Variants in APOB observed in about 807,000 individuals in gnomAD.
APOB encodes the protein apolipoprotein B, also known as apolipoprotein B-100.
A neutral mutation model predicts 314.1 loss-of-function variants in APOB; 153 were observed. That is an observed-to-expected ratio of 0.49 (90% CI 0.43 to 0.56). The LOEUF (loss-of-function observed/expected upper bound fraction) is 0.56. Among genes scored for constraint, APOB ranks in the 20% least tolerant of loss-of-function variants. The pLI is 0.00. For synonymous variants in APOB, 2,087 were observed against 2,036.4 expected (o/e 1.02, Z -0.67); for missense variants, 5,430 against 5,350.7 (o/e 1.01, Z -0.46).
Position 21,010,573 on chromosome 2 carries a change from G to T in APOB, c.6295C>A (p.Leu2099Met), listed in dbSNP as rs372799407. Residue 2099 changes from leucine to methionine, a missense_variant, in exon 26 of 29, where the codon CTG becomes ATG. By Grantham distance (15) the Leu-to-Met change is conservative. Transcript: ENST00000233242. ...IVVLENVQRN[L>M]KHINIDQFVR... ...AATTGATCAATATTGATGTGCTTCA[G>T]GTTTCTCTGTACGTTTTCCAGTACA... 6.2e-7 allele frequency: 1 copy of T among 1,613,544 alleles called. No homozygotes were observed. Among genetic ancestry groups the T allele is most frequent in the African/African-American group, 1.3e-5 (1 of 74,870 alleles).
chr2:21,005,133 A>T lies in APOB; in HGVS notation c.11735T>A (p.Val3912Asp). 6.2e-7 allele frequency: 1 copy of T among 1,614,038 alleles called. No individual in the cohort carries two copies. The highest frequency in any genetic ancestry group is 1.3e-5 in the African/African-American group (1 of 75,040). ...GGTTGAGCTGCATGTGGAATCCAGG[A>T]CTGTTTCAACATAATCTGCTTTGTT... Reference protein sequence around the residue: ...LKNKADYVETVLDSTCSSTVQ... With the variant: ...LKNKADYVETDLDSTCSSTVQ... The change falls in exon 26 of 29, where the codon GTC (valine) becomes GAC (aspartate). Residue 3912 changes from valine to aspartate, a missense_variant. Physicochemically the swap from Val to Asp is radical, Grantham distance 152. Transcript: ENST00000233242.
At chr2:21,037,659 C>G (rs935568153) in intron 5 of APOB, among the ~76,000 whole-genome samples, 1 of 147,970 alleles carries the variant, frequency 6.8e-6, no homozygotes, top group African/African-American at 2.5e-5. Context: ...TTACTGTGTA[C>G]ACCATAACCC....
intron 12 of APOB, 25 bp downstream of exon 12, chr2:21,029,614 T>G: frequency 6.2e-7 from 1 of 1,613,840 alleles, no homozygotes; most frequent in East Asian, 2.2e-5. Context: ...ACTTTCACTT[T>G]CAGACCTCTT....
chr2:21,006,474 T>G lies in APOB; in HGVS notation c.10394A>C (p.Asn3465Thr). ...AGCGGTAGAGTACAGCATTGAAGAA[T>G]TGAAATCATACTTAAATTCCATGGA... The part of the protein sequence containing the change: ...SSSMEFKYDF[N>T]SSMLYSTAKG... The change falls in exon 26 of 29, where the codon AAT becomes ACT. Residue 3465 changes from asparagine to threonine, a missense_variant. This residue lies in a region of APOB where 3,281 missense variants were observed against 3,171.0 expected (regional missense o/e 1.03). Transcript: ENST00000233242. 1 of 1,614,130 alleles carries G rather than the reference T, an allele frequency of 6.2e-7. No individual in the cohort carries two copies. Among genetic ancestry groups the G allele is most frequent in the Non-Finnish European group, 8.5e-7 (1 of 1,179,974 alleles).
Position 21,021,258 on chromosome 2 carries a change from T to TAATC in APOB, c.2817-1354_2817-1353insGATT, listed in dbSNP as rs557650983. ...TCTTCTTTCTTTTGCCTTGTCCCCA[T>TAATC]ACCCAGTTAATCACCCAGTACTTAT... On this transcript the variant is annotated intron_variant, in intron 18 of 28. Transcript: ENST00000233242. Among the ~76,000 whole-genome samples the TAATC allele has an allele frequency of 2.4e-3, 361 of 152,314 alleles. 1 individual carries two copies. Among genetic ancestry groups the TAATC allele is most frequent in the African/African-American group, 8.2e-3 (342 of 41,570 alleles).
At chr2:21,003,554 C>CA (rs1285848845) in intron 28 of APOB, among the ~76,000 whole-genome samples, 3 of 152,130 alleles carry the variant, frequency 2.0e-5, no homozygotes, top group African/African-American at 7.2e-5. Context: ...AAGGATTTAA[C>CA]AAAAACGCTT....
intron 18 of APOB, among the ~76,000 whole-genome samples, chr2:21,021,724 A>T (rs543297418): frequency 3.7e-4 from 57 of 152,322 alleles, no homozygotes; most frequent in African/African-American, 1.3e-3. Flanking sequence ...ACTCTGACAC[A>T]GTCCTCAGTT....
rs1662980216 is a variant in APOB, at chr2:21,001,723, T to TA, written c.*6dup. 1 of 1,613,302 alleles carries TA rather than the reference T, an allele frequency of 6.2e-7. No homozygotes were observed. On this transcript the variant is annotated 3_prime_UTR_variant, in exon 29 of 29. Transcript: ENST00000233242. ...AAGAAGAATAAATGAAGATTTCTTT[T>TA]AAAAAATTAGAGGATGATAGTAAGT...
chr2:21,020,928 T>G (rs1202542540), intron 18 of APOB, among the ~76,000 whole-genome samples: 1 of 152,230 alleles, frequency 6.6e-6, no homozygotes, highest in Non-Finnish European at 1.5e-5. Flanking sequence ...TTATTCCCCT[T>G]CTTCCTTTAT....
chr2:21,034,291 T>A (rs1284291442), intron 8 of APOB, among the ~76,000 whole-genome samples: 1 of 152,220 alleles, frequency 6.6e-6, no homozygotes. Context: ...AGAATAGGTA[T>A]AAAATCACAT....
At chr2:21,018,258 T>G (rs1328165796) in intron 20 of APOB, among the ~76,000 whole-genome samples, 1 of 152,204 alleles carries the variant, frequency 6.6e-6, no homozygotes, top group Admixed American at 6.5e-5. Context: ...ACCTACATAT[T>G]AGTTTCTCTG....
Position 21,029,968 on chromosome 2 carries a change from G to C in APOB, c.1400C>G (p.Ala467Gly), listed in dbSNP as rs376602710. 32 of 1,613,896 alleles carry C rather than the reference G, an allele frequency of 2.0e-5. No homozygotes were observed. Among genetic ancestry groups the C allele is most frequent in the East Asian group, 8.9e-5 (4 of 44,900 alleles). The change falls in exon 11 of 29, where the codon GCT becomes GGT. Residue 467 changes from alanine to glycine, a missense_variant. Around this residue, in one of 3 missense-constraint regions of APOB, gnomAD observed 2,085 missense variants for 2,079.7 expected, o/e 1.00. Coordinates refer to ENST00000233242, the MANE Select transcript of APOB (RefSeq NM_000384.3). ...PTGTQELLDI[A>G]NYLMEQIQDD... ...TTGAATCTGTTCCATCAGGTAATTA[G>C]CAATGTCCAGCAGCTCCTGGGTCCC... is the stretch of plus-strand genomic sequence containing the variant.
intron 15 of APOB, among the ~76,000 whole-genome samples, chr2:21,026,306 G>A (rs946153896): frequency 6.6e-6 from 1 of 151,646 alleles, no homozygotes; most frequent in Non-Finnish European, 1.5e-5. Flanking sequence ...GGAGTGTAAC[G>A]GCGTGATCTC....
intron 2 of APOB, 121 bp downstream of exon 2, chr2:21,043,392 C>T: frequency 1.7e-6 from 2 of 1,192,448 alleles, no homozygotes; most frequent in Non-Finnish European, 2.4e-6. Flanking sequence ...TTCCTGGGGT[C>T]AGAGCAAGGC....
chr2:21,006,048 G>A lies in APOB; in HGVS notation c.10820C>T (p.Pro3607Leu). Residue 3607 changes from proline (P) to leucine (L), a missense_variant, in exon 26 of 29, where the codon CCC becomes CTC. By Grantham distance (98) the Pro-to-Leu change is moderately conservative. Around this residue, in one of 3 missense-constraint regions of APOB, gnomAD observed 3,281 missense variants for 3,171.0 expected, o/e 1.03. Coordinates refer to ENST00000233242, the MANE Select transcript of APOB (RefSeq NM_000384.3). ...GTCAGGGAAATCATGGAAGGAACTG[G>A]GCTGACTTGCATGGACCTGAACAAG... ...SALVQVHASQ[P>L]SSFHDFPDLG... is the part of the protein sequence containing the mutation. 6.2e-7 allele frequency: 1 copy of A among 1,614,042 alleles called. No individual in the cohort carries two copies. The highest frequency in any genetic ancestry group is 8.5e-7 in the Non-Finnish European group (1 of 1,179,964).
At position 21,032,552 on chromosome 2, in the gene APOB, C is replaced by T. The variant is rs769976606; in HGVS notation, c.1154G>A (p.Cys385Tyr). ...SPITLQALVQ[C>Y]GQPQCSTHIL... ...GTGAGTGGAGCACTGAGGCTGTCCA[C>T]ACTGAACCAAGGCTTGTAAAGTGAT... The change falls in exon 10 of 29, where the codon TGT (cysteine) becomes TAT (tyrosine). Residue 385 changes from cysteine (C) to tyrosine (Y), a missense_variant. Cys to Tyr is a radical substitution (Grantham distance 194). Around this residue, in one of 3 missense-constraint regions of APOB, gnomAD observed 2,085 missense variants for 2,079.7 expected, o/e 1.00. Coordinates refer to ENST00000233242, the MANE Select transcript of APOB (RefSeq NM_000384.3). 1 of 1,614,158 alleles carries T rather than the reference C, an allele frequency of 6.2e-7. No individual in the cohort carries two copies. The highest frequency in any genetic ancestry group is 8.5e-7 in the Non-Finnish European group (1 of 1,180,026).
chr2:21,041,162 C>T, intron 3 of APOB, 79 bp from the exon 4 acceptor site: 1 of 1,456,574 alleles, frequency 6.9e-7, no homozygotes, highest in Non-Finnish European at 9.4e-7. Flanking sequence ...GGCTTAATCT[C>T]TAATCAGAGC....
At chr2:21,014,389 T>C (rs1050073378) in intron 24 of APOB, 59 bp downstream of exon 24, 6 of 1,589,386 alleles carry the variant, frequency 3.8e-6, no homozygotes, top group Non-Finnish European at 5.2e-6. Flanking sequence ...AATCATGCTA[T>C]GTAAAATCTT....
intron 23 of APOB, 152 bp downstream of exon 23, chr2:21,014,921 T>C (rs1663424929): frequency 1.2e-6 from 1 of 829,454 alleles, no homozygotes; most frequent in African/African-American, 1.7e-5. Flanking sequence ...AACTACACAC[T>C]TGTGAAAGTT....
Sources: allele counts gnomAD v4.1 joint callset (sites outside exome capture counted in the v4.1 genomes callset), GRCh38; gene constraint gnomAD v4.1.1; regional missense constraint gnomAD v4.1.1; transcripts MANE v1.5; gene names NCBI Gene and HGNC (gene_info 2026-07-23, HGNC 2026-07-21).